Variants in BRINP3 observed in about 807,000 individuals in gnomAD.
BRINP3 encodes the protein BMP/retinoic acid inducible neural specific 3.
In BRINP3, 19 loss-of-function variants were observed where a neutral mutation model predicts 71.0. That is an observed-to-expected ratio of 0.27 (90% CI 0.19 to 0.39). The LOEUF (loss-of-function observed/expected upper bound fraction) is 0.39. Ranked by LOEUF, BRINP3 falls within the 10% of genes least tolerant of loss-of-function variation. BRINP3 has a pLI of 1.00. For synonymous variants in BRINP3, 380 were observed against 337.7 expected (o/e 1.13, Z -1.37); for missense variants, 959 against 940.8 (o/e 1.02, Z -0.25).
At chr1:190,461,751 A>G (rs975562031) in intron 1 of BRINP3, among the ~76,000 whole-genome samples, 7 of 152,208 alleles carry the variant, frequency 4.6e-5, no homozygotes, top group African/African-American at 1.7e-4. Flanking sequence ...TAGAATCTAC[A>G]GAGAATCTGT....
At chr1:190,307,606 A>C in intron 2 of BRINP3, among the ~76,000 whole-genome samples, 1 of 151,828 alleles carries the variant, frequency 6.6e-6, no homozygotes, top group South Asian at 2.1e-4. Flanking sequence ...AAACTAGTTA[A>C]GTTATTCTAG....
chr1:190,400,665 T>A (rs1438964320), intron 2 of BRINP3, among the ~76,000 whole-genome samples: 1 of 152,194 alleles, frequency 6.6e-6, no homozygotes, highest in African/African-American at 2.4e-5. Context: ...ATAAGCACCA[T>A]TCTTCTCATA....
At chr1:190,100,521 C>T (rs1651611928) in intron 7 of BRINP3, among the ~76,000 whole-genome samples, 1 of 151,956 alleles carries the variant, frequency 6.6e-6, no homozygotes, top group African/African-American at 2.4e-5. Flanking sequence ...CATGGATTAG[C>T]CAAAGGAACA....
intron 2 of BRINP3, among the ~76,000 whole-genome samples, chr1:190,387,154 T>A (rs971509986): frequency 6.6e-6 from 1 of 152,006 alleles, no homozygotes; most frequent in African/African-American, 2.4e-5. Context: ...TATTATATCT[T>A]ATTGCTGAAT....
At chr1:190,376,563 A>G (rs984178952) in intron 2 of BRINP3, among the ~76,000 whole-genome samples, 3 of 152,060 alleles carry the variant, frequency 2.0e-5, no homozygotes, top group South Asian at 4.1e-4. Flanking sequence ...AAATTACCAT[A>G]TCCCCATTGT....
intron 6 of BRINP3, among the ~76,000 whole-genome samples, chr1:190,221,742 A>G (rs2102686963): frequency 6.6e-6 from 1 of 152,236 alleles, no homozygotes; most frequent in South Asian, 2.1e-4. Context: ...ATGCAACTGG[A>G]AAACAAAGGA....
At chr1:190,397,997 T>C (rs540135422) in intron 2 of BRINP3, among the ~76,000 whole-genome samples, 1 of 152,146 alleles carries the variant, frequency 6.6e-6, no homozygotes, top group South Asian at 2.1e-4. Flanking sequence ...ACTTTATTTT[T>C]GGACCATATA....
intron 6 of BRINP3, among the ~76,000 whole-genome samples, chr1:190,169,531 G>A (rs1171705006): frequency 6.6e-6 from 1 of 152,154 alleles, no homozygotes; most frequent in East Asian, 1.9e-4. Context: ...CCTTTCTGCT[G>A]CAATCAGATG....
At chr1:190,280,398 T>C (rs559148429) in intron 3 of BRINP3, among the ~76,000 whole-genome samples, 2 of 151,818 alleles carry the variant, frequency 1.3e-5, no homozygotes, top group East Asian at 3.9e-4. Context: ...GTTAAAACAG[T>C]GAATATGAAC....
At chr1:190,373,261 A>C (rs1218403780) in intron 2 of BRINP3, among the ~76,000 whole-genome samples, 1 of 151,862 alleles carries the variant, frequency 6.6e-6, no homozygotes, top group Admixed American at 6.6e-5. Flanking sequence ...GTGGTGGTGC[A>C]TGCCTGTAAT....
rs75688140 is a variant in BRINP3 at position 190,102,845 on chromosome 1, A to C, written c.1185-3711T>G. Reference sequence around the variant, plus strand: ...TAATTCCTCAAAAATCTTTTAGGTGAAAGAATTATGAGCAGAAAAATATCT... The same window carrying C: ...TAATTCCTCAAAAATCTTTTAGGTGCAAGAATTATGAGCAGAAAAATATCT... On this transcript the variant is annotated intron_variant, in intron 7 of 7. Transcript: ENST00000367462. 2.6e-3 allele frequency among the ~76,000 whole-genome samples: 391 copies of C among 152,162 alleles called. 4 individuals carry two copies. The highest frequency in any genetic ancestry group is 2.1e-3 in the Non-Finnish European group (146 of 67,930).
intron 6 of BRINP3, among the ~76,000 whole-genome samples, chr1:190,216,470 T>G (rs1205588370): frequency 1.3e-5 from 2 of 151,896 alleles, no homozygotes; most frequent in East Asian, 1.9e-4. Context: ...TAAATTGATT[T>G]CTATAAATAT....
chr1:190,175,952 A>C (rs1413957456), intron 6 of BRINP3, among the ~76,000 whole-genome samples: 1 of 152,128 alleles, frequency 6.6e-6, no homozygotes, highest in African/African-American at 2.4e-5. Context: ...CTGGAACATA[A>C]GGCCCTCCTG....
chr1:190,266,731 T>C (rs529747804), intron 3 of BRINP3, among the ~76,000 whole-genome samples: 2 of 152,196 alleles, frequency 1.3e-5, no homozygotes, highest in African/African-American at 2.4e-5. Context: ...TGATAAGTCG[T>C]GAGAGTGCCA....
chr1:190,474,859 A>G (rs2102727178), intron 1 of BRINP3: 1 of 151,948 alleles, frequency 6.6e-6, no homozygotes, highest in East Asian at 1.9e-4. Flanking sequence ...AGCGGCCAAG[A>G]AGCACCACCC....
intron 3 of BRINP3, among the ~76,000 whole-genome samples, chr1:190,266,404 T>C (rs1661667198): frequency 6.6e-6 from 1 of 152,112 alleles, no homozygotes; most frequent in Admixed American, 6.5e-5. Context: ...TTTCTAAAAC[T>C]CACATTTCTT....
chr1:190,308,204 ATAG>A (rs1390869401), intron 2 of BRINP3, among the ~76,000 whole-genome samples: 2 of 150,284 alleles, frequency 1.3e-5, no homozygotes, highest in African/African-American at 5.0e-5. Flanking sequence ...ACACTTGTAT[ATAG>A]TTTTCAATTA....
chr1:190,397,037 G>A (rs913051018), intron 2 of BRINP3, among the ~76,000 whole-genome samples: 2 of 151,830 alleles, frequency 1.3e-5, no homozygotes, highest in African/African-American at 4.8e-5. Flanking sequence ...GAGTCAAAAT[G>A]CAATGGATGT....
chr1:190,406,135 G>T (rs1672264215), intron 2 of BRINP3, among the ~76,000 whole-genome samples: 1 of 152,158 alleles, frequency 6.6e-6, no homozygotes, highest in Non-Finnish European at 1.5e-5. Flanking sequence ...CAGTAAAATT[G>T]CTCATGTTAC....
Sources: allele counts gnomAD v4.1 joint callset (sites outside exome capture counted in the v4.1 genomes callset), GRCh38; gene constraint gnomAD v4.1.1; transcripts MANE v1.5; gene names NCBI Gene and HGNC (gene_info 2026-07-23, HGNC 2026-07-21).